AMZ1: variants seen among roughly 807,000 people sequenced by gnomAD.
The protein encoded by AMZ1 is archaemetzincin-1.
A neutral mutation model predicts 29.9 loss-of-function variants in AMZ1; 39 were observed. That is an observed-to-expected ratio of 1.30 (90% CI 1.01 to 1.70). The LOEUF (loss-of-function observed/expected upper bound fraction) is 1.70. AMZ1 is among the 40% of genes most tolerant of loss of function. AMZ1 has a pLI of 0.00. For synonymous variants in AMZ1, 458 were observed against 304.0 expected (o/e 1.51, Z -5.27); for missense variants, 1,041 against 680.6 (o/e 1.53, Z -5.89).
intron 4 of AMZ1, among the ~76,000 whole-genome samples, chr7:2,744,829 C>T (rs995721565): frequency 6.6e-6 from 1 of 152,042 alleles, no homozygotes; most frequent in African/African-American, 2.4e-5. Flanking sequence ...CTTAAAGGAC[C>T]TGATGGAGCT....
upstream of AMZ1, among the ~76,000 whole-genome samples, chr7:2,759,880 G>A (rs574473161): frequency 7.9e-5 from 12 of 152,304 alleles, no homozygotes; most frequent in South Asian, 1.9e-3. Context: ...AGAGCCCCAC[G>A]GCCAGCTGAG....
chr7:2,720,124 C>T (rs1208940883), downstream of AMZ1, among the ~76,000 whole-genome samples: 1 of 152,270 alleles, frequency 6.6e-6, no homozygotes, highest in Non-Finnish European at 1.5e-5. Flanking sequence ...ACCGACAGGG[C>T]TGCCACGCAC....
rs776712553 is a variant in AMZ1, at chr7:2,708,683, A to G, written c.568A>G (p.Ser190Gly). The G allele has an allele frequency of 2.5e-6, 4 of 1,613,070 alleles. No individual in the cohort carries two copies. In the East Asian group the frequency reaches 8.9e-5, roughly 36 times the overall value. ...LSDLYPHEAW[S>G]FTFSKFLPGH... ...TGACCTGTACCCCCATGAGGCCTGG[A>G]GCTTCACCTTCAGCAAGTTCCTTCC... The change falls in exon 4 of 7, where the codon AGC becomes GGC. Residue 190 changes from serine (S) to glycine (G), a missense_variant. Coordinates refer to ENST00000683327, the MANE Select transcript of AMZ1 (RefSeq NM_001384743.1).
At chr7:2,687,500 T>G (rs1300330492), upstream of AMZ1, among the ~76,000 whole-genome samples, 1 of 152,172 alleles carries the variant, frequency 6.6e-6, no homozygotes, top group Admixed American at 6.5e-5. Context: ...AAAAGGGCAG[T>G]TTATGGAAAA....
upstream of AMZ1, among the ~76,000 whole-genome samples, chr7:2,686,692 C>G (rs1241581949): frequency 1.3e-5 from 2 of 151,862 alleles, no homozygotes; most frequent in Non-Finnish European, 2.9e-5. Flanking sequence ...ACACCGGACA[C>G]CTAGTGTTGT....
intron 4 of AMZ1, among the ~76,000 whole-genome samples, chr7:2,755,025 T>C (rs766700247): frequency 4.6e-5 from 7 of 152,218 alleles, no homozygotes; most frequent in African/African-American, 1.7e-4. Flanking sequence ...GCACCCTTTG[T>C]TGAAAAGGCT....
chr7:2,735,127 G>C (rs557595059), intron 4 of AMZ1, among the ~76,000 whole-genome samples: 109 of 152,142 alleles, frequency 7.2e-4, no homozygotes, highest in South Asian at 1.5e-3. Flanking sequence ...CCTGATTTAC[G>C]ACAAGTTCCT....
chr7:2,688,717 C>T (rs562277749), intron 1 of AMZ1, among the ~76,000 whole-genome samples: 14 of 152,302 alleles, frequency 9.2e-5, no homozygotes, highest in Non-Finnish European at 1.6e-4. Flanking sequence ...CCCCGGGGAA[C>T]CTCCAGGGCG....
chr7:2,738,281 T>C (rs1790312403), intron 4 of AMZ1, among the ~76,000 whole-genome samples: 1 of 134,178 alleles, frequency 7.5e-6, no homozygotes, highest in Non-Finnish European at 1.6e-5. Context: ...TGAGGCTCCA[T>C]CTAAAAAAAA....
At position 2,719,344 on chromosome 7, in the gene AMZ1, C is replaced by G. The variant is rs1027252157; in HGVS notation, c.*6466C>G. Among the ~76,000 whole-genome samples, 13 of 152,206 alleles carry G rather than the reference C, an allele frequency of 8.5e-5. No individual in the cohort carries two copies. The highest frequency in any genetic ancestry group is 3.1e-4 in the African/African-American group (13 of 41,460). ...TCTGTCACGGACCCCCAAGCAGGAG[C>G]AATGCCTAAAGAGGGCAAAGGCCCG... On this transcript the variant is annotated 3_prime_UTR_variant, in exon 7 of 7. Transcript: ENST00000683327.
At chr7:2,733,083 C>T (rs368235373) in intron 4 of AMZ1, among the ~76,000 whole-genome samples, 13 of 152,242 alleles carry the variant, frequency 8.5e-5, no homozygotes, top group African/African-American at 2.4e-4. Context: ...TCCCGGAGGC[C>T]GGGGGAGGGC....
chr7:2,723,714 A>G (rs1027353900), downstream of AMZ1, among the ~76,000 whole-genome samples: 9 of 152,346 alleles, frequency 5.9e-5, no homozygotes, highest in South Asian at 1.9e-3. Flanking sequence ...GACAGCAACG[A>G]TGGAGGCCTG....
chr7:2,689,337 C>T lies in AMZ1; in HGVS notation c.-219+1041C>T, dbSNP rs951388209. Among the ~76,000 whole-genome samples the T allele has an allele frequency of 3.9e-5, 6 of 151,902 alleles. No homozygotes were observed. In the East Asian group the frequency reaches 5.8e-4, roughly 15 times the overall value. On this transcript the variant is annotated intron_variant, in intron 1 of 6. Coordinates refer to ENST00000683327, the MANE Select transcript of AMZ1 (RefSeq NM_001384743.1). ...ATACCTGGTTACTGGGCCAGTCTGG[C>T]GGCCCTTGTTGCTTAGAGCGGCAGA...
In AMZ1 at chr7:2,703,037, C is replaced by T. The variant is rs949655674; in HGVS notation, c.472+148C>T. 59 of 1,170,860 alleles carry T rather than the reference C, an allele frequency of 5.0e-5. No homozygotes were observed. The African/African-American group carries it at 8.8e-4, about 17-fold the overall frequency. The allele number at this position is 1,170,860 out of a possible 1,614,324, so 72.5% of individuals were successfully genotyped here. Reference sequence around the variant, plus strand: ...TTCCCAGGTGTTTGGGAAGCAGGACCAAGCCGGAGAGCTCCTTCTTCCCAC... The same window carrying T: ...TTCCCAGGTGTTTGGGAAGCAGGACTAAGCCGGAGAGCTCCTTCTTCCCAC... On this transcript the variant is annotated intron_variant, in intron 3 of 6. Transcript: ENST00000683327.
intron 4 of AMZ1, among the ~76,000 whole-genome samples, chr7:2,739,446 C>T (rs961038054): frequency 6.6e-6 from 1 of 152,172 alleles, no homozygotes; most frequent in Non-Finnish European, 1.5e-5. Flanking sequence ...CATGCTGTGG[C>T]ACAGGCCAGT....
chr7:2,733,806 G>C (rs368185131), intron 4 of AMZ1, among the ~76,000 whole-genome samples: 1 of 152,210 alleles, frequency 6.6e-6, no homozygotes, highest in African/African-American at 2.4e-5. Context: ...TCTCTTTCCA[G>C]ACATGAAGGC....
chr7:2,738,847 G>C (rs191103662), intron 4 of AMZ1, among the ~76,000 whole-genome samples: 1 of 152,108 alleles, frequency 6.6e-6, no homozygotes, highest in Non-Finnish European at 1.5e-5. Flanking sequence ...TTGTTTTTTT[G>C]TTTTTTGCCA....
chr7:2,748,591 T>C (rs918652967), intron 4 of AMZ1, among the ~76,000 whole-genome samples: 11 of 152,258 alleles, frequency 7.2e-5, no homozygotes, highest in Middle Eastern at 3.4e-3. Context: ...ATTCAGGACA[T>C]AGGCATGGGC....
rs976499270 is a variant in AMZ1, at chr7:2,690,868, T to C, written c.-219+2572T>C. ...AAAGAAGGCATTTCTCAGCCGGGTG[T>C]GGTGGCTCACCTCTGAAATCCCAGT... is the stretch of plus-strand genomic sequence containing the variant. On this transcript the variant is annotated intron_variant, in intron 1 of 6. Coordinates refer to ENST00000683327, the MANE Select transcript of AMZ1 (RefSeq NM_001384743.1). 1.1e-4 allele frequency among the ~76,000 whole-genome samples: 16 copies of C among 152,114 alleles called. No homozygotes were observed. In the South Asian group the frequency reaches 2.9e-3, roughly 28 times the overall value.
Sources: allele counts gnomAD v4.1 joint callset (sites outside exome capture counted in the v4.1 genomes callset), GRCh38; gene constraint gnomAD v4.1.1; transcripts MANE v1.5; gene names NCBI Gene and HGNC (gene_info 2026-07-23, HGNC 2026-07-21).